Variants in TEX29 observed in about 807,000 individuals in gnomAD.
TEX29 encodes the protein testis expressed 29, also known as testis-expressed protein 29.
TEX29 carries 26 observed loss-of-function variants against 18.2 expected under a neutral mutation model. The observed-to-expected ratio is 1.43, with a 90% CI of 1.04 to 1.98. TEX29 has a LOEUF of 1.98. Among genes scored for constraint, TEX29 ranks in the 30% most tolerant of loss-of-function variants. The pLI is 0.00. For synonymous variants in TEX29, 83 were observed against 78.5 expected, an observed-to-expected ratio of 1.06 and a Z score of -0.31; for missense variants, 177 against 194.2, an observed-to-expected ratio of 0.91 and a Z score of 0.53.
chr13:111,342,079 A>G (rs1028734229), intron 4 of TEX29, among the ~76,000 whole-genome samples: 1 of 152,186 alleles, frequency 6.6e-6, no homozygotes, highest in Non-Finnish European at 1.5e-5. Flanking sequence ...TGGTGAGGAA[A>G]TGCAGACCCG....
At chr13:111,343,976 T>C (rs2093700761) in intron 5 of TEX29, 107 bp from the exon 6 acceptor site, 2 of 918,868 alleles carry the variant, frequency 2.2e-6, no homozygotes, top group Non-Finnish European at 3.5e-6. Context: ...GAATCAATCA[T>C]TGCCAATCAG....
intron 3 of TEX29, among the ~76,000 whole-genome samples, chr13:111,330,982 G>A (rs1446065898): frequency 6.6e-6 from 1 of 152,108 alleles, no homozygotes; most frequent in East Asian, 1.9e-4. Flanking sequence ...TCCACTTTTT[G>A]GCTATTATAA....
At chr13:111,326,906 A>T (rs1329842666) in intron 2 of TEX29, among the ~76,000 whole-genome samples, 1 of 152,108 alleles carries the variant, frequency 6.6e-6, no homozygotes, top group Admixed American at 6.5e-5. Flanking sequence ...CTGGGAGCAA[A>T]GCCCTCCTAG....
intron 2 of TEX29, 94 bp downstream of exon 2, chr13:111,321,042 G>A: frequency 7.0e-7 from 1 of 1,421,878 alleles, no homozygotes; most frequent in South Asian, 1.3e-5. Flanking sequence ...GCGCGGACAG[G>A]GGGTCCTGGT....
intron 3 of TEX29, among the ~76,000 whole-genome samples, chr13:111,336,228 TC>T (rs1478719391): frequency 6.6e-6 from 1 of 152,248 alleles, no homozygotes; most frequent in Non-Finnish European, 1.5e-5. Context: ...ACTCCTGGTT[TC>T]TTTCGGGCCT....
At chr13:111,335,598 C>T (rs1039139789) in intron 3 of TEX29, among the ~76,000 whole-genome samples, 2 of 152,244 alleles carry the variant, frequency 1.3e-5, no homozygotes, top group African/African-American at 4.8e-5. Context: ...TCATTTCCAT[C>T]ATAGAGTTGG....
chr13:111,316,271 G>C (rs759957776), upstream of TEX29: 1 of 494,894 alleles, frequency 2.0e-6, no homozygotes, highest in South Asian at 1.5e-5. Flanking sequence ...AGTATCTGTT[G>C]GATGAATAAA....
At chr13:111,330,693 C>G (rs1006276113) in intron 3 of TEX29, among the ~76,000 whole-genome samples, 1 of 152,200 alleles carries the variant, frequency 6.6e-6, no homozygotes, top group Non-Finnish European at 1.5e-5. Context: ...TGTACCACTC[C>G]AGAAAGAACC....
Position 111,344,096 on chromosome 13 carries a change from A to G in TEX29, c.429A>G (p.Ile143Met), listed in dbSNP as rs760844578. The stretch of plus-strand genomic sequence containing the variant: ...CTAAAAATCTAGTAACAGGGACAAT[A>G]ACAGAAGCCGAAGAAACTGAGGACT... ...DEDKDDVTGT[I>M]TEAEETED The change falls in exon 6 of 6, where the codon ATA becomes ATG. Residue 143 changes from isoleucine to methionine, a missense_variant. By Grantham distance (10) the Ile-to-Met change is conservative. Coordinates refer to ENST00000283547, the MANE Select transcript of TEX29 (RefSeq NM_152324.3). The G allele has an allele frequency of 3.7e-6, 6 of 1,613,194 alleles. No homozygotes were observed. The highest frequency in any genetic ancestry group is 5.1e-6 in the Non-Finnish European group (6 of 1,179,436).
chr13:111,320,083 C>A (rs1456910121), upstream of TEX29, among the ~76,000 whole-genome samples: 3 of 152,224 alleles, frequency 2.0e-5, no homozygotes. Context: ...CCAGCCTCCC[C>A]CCAGGACCTC....
upstream of TEX29, chr13:111,320,600 C>T (rs1031604191): frequency 7.8e-6 from 4 of 513,432 alleles, no homozygotes; most frequent in African/African-American, 5.8e-5. Context: ...TGTGATGTCA[C>T]AGCGGGCGGG....
At chr13:111,321,919 G>C (rs149278488) in intron 2 of TEX29, among the ~76,000 whole-genome samples, 1 of 152,168 alleles carries the variant, frequency 6.6e-6, no homozygotes, top group Non-Finnish European at 1.5e-5. Flanking sequence ...GCGAGACTCC[G>C]CCTCAAAAAC....
At chr13:111,320,988 G>GGT in intron 2 of TEX29, 40 bp downstream of exon 2, 1 of 431,438 alleles carries the variant, frequency 2.3e-6, no homozygotes, top group Non-Finnish European at 4.3e-6. Flanking sequence ...TGGGGTGGGG[G>GGT]AGCAGTTGGG....
intron 3 of TEX29, among the ~76,000 whole-genome samples, chr13:111,334,227 C>T (rs1347794406): frequency 6.6e-6 from 1 of 152,130 alleles, no homozygotes; most frequent in Admixed American, 6.5e-5. Context: ...TTTCACCTCC[C>T]CAGGTTTTAT....
chr13:111,342,394 A>T (rs920513687), intron 4 of TEX29, among the ~76,000 whole-genome samples: 1 of 152,076 alleles, frequency 6.6e-6, no homozygotes, highest in Non-Finnish European at 1.5e-5. Flanking sequence ...TGGAGCCTGC[A>T]CAAGAAACTA....
intron 4 of TEX29, 25 bp downstream of exon 4, chr13:111,339,957 G>T: frequency 1.9e-6 from 3 of 1,588,860 alleles, no homozygotes; most frequent in African/African-American, 1.4e-5. Context: ...TCTTTACTGG[G>T]AGGGTGGGGA....
At chr13:111,321,636 C>A (rs565011495) in intron 2 of TEX29, among the ~76,000 whole-genome samples, 4 of 147,814 alleles carry the variant, frequency 2.7e-5, no homozygotes, top group East Asian at 3.9e-4. Flanking sequence ...AAAAAAAAAC[C>A]CAAGAAAATC....
chr13:111,339,779 A>C, intron 3 of TEX29, 84 bp from the exon 4 acceptor site: 2 of 1,452,954 alleles, frequency 1.4e-6, no homozygotes, highest in Non-Finnish European at 1.9e-6. Context: ...CCCGCACCCG[A>C]CTCTGGGAGG....
At chr13:111,323,046 A>G (rs964920181) in intron 2 of TEX29, among the ~76,000 whole-genome samples, 3 of 152,344 alleles carry the variant, frequency 2.0e-5, no homozygotes, top group African/African-American at 4.8e-5. Context: ...CAGATGTGGA[A>G]GAGACTCTGT....
Sources: gnomAD v4.1 joint callset for allele counts (sites outside exome capture counted in the v4.1 genomes callset) on GRCh38, gnomAD v4.1.1 for gene constraint, MANE v1.5 for transcripts, NCBI Gene and HGNC (gene_info 2026-07-23, HGNC 2026-07-21) for gene names.